The following GBP4 variants were observed in gnomAD, a reference collection of about 807,000 sequenced individuals.
The protein encoded by GBP4 is guanylate-binding protein 4.
GBP4 carries 69 observed loss-of-function variants against 62.2 expected under a neutral mutation model. The ratio of observed to expected loss-of-function variants is 1.11; its 90% CI spans 0.91 to 1.36. The LOEUF is 1.36. GBP4 is among the 40% of genes most tolerant of loss of function. The probability of loss-of-function intolerance (pLI) is 0.00; values close to 1 mark genes in which losing one functional copy is unlikely to be tolerated. For missense variants in GBP4, 697 were observed against 759.3 expected (o/e 0.92, Z 0.96); for synonymous variants, 278 against 274.6 (o/e 1.01, Z -0.12).
chr1:89,188,223 C>A (rs939645977), intron 8 of GBP4, among the ~76,000 whole-genome samples: 2 of 152,132 alleles, frequency 1.3e-5, no homozygotes, highest in African/African-American at 4.8e-5. Flanking sequence ...TAATTGTACC[C>A]TATCCAGTCA....
At position 89,198,936 on chromosome 1, in the gene GBP4, C is replaced by T; in HGVS notation, c.-102G>A. 3.7e-6 allele frequency: 4 copies of T among 1,081,420 alleles called. No homozygotes were observed. Among genetic ancestry groups the T allele is most frequent in the Non-Finnish European group, 5.8e-6 (4 of 695,526 alleles). 67.0% of individuals were successfully genotyped at this position (1,081,420 alleles called of 1,614,324 possible). On this transcript the variant is annotated 5_prime_UTR_variant, in exon 1 of 11. Transcript: ENST00000355754. ...CATCCAAGTAAGAGTCTGTGAGAAC[C>T]GAAATTGAAAGGACATGCACTTTGT...
Position 89,182,018 on chromosome 1 carries a change from G to T in GBP4, c.*3236C>A, listed in dbSNP as rs572600110. On this transcript the variant is annotated 3_prime_UTR_variant, in exon 11 of 11. Coordinates refer to ENST00000355754, the MANE Select transcript of GBP4 (RefSeq NM_052941.5). Reference sequence around the variant, plus strand: ...AAATAAGAGATGTCACAAACAAATGGAAAAACATTCCATGCTCATGAATAG... The same window carrying T: ...AAATAAGAGATGTCACAAACAAATGTAAAAACATTCCATGCTCATGAATAG... The T allele has an allele frequency of 2.6e-5, 4 of 152,238 alleles. No homozygotes were observed. Among genetic ancestry groups the T allele is most frequent in the African/African-American group, 7.2e-5 (3 of 41,530 alleles). The allele number at this position is 152,238 out of a possible 1,614,324, so 9.4% of individuals were successfully genotyped here.
Position 89,192,909 on chromosome 1 carries a change from A to T in GBP4, c.665T>A (p.Ile222Asn). The change falls in exon 5 of 11, where the codon ATT (isoleucine) becomes AAT (asparagine). Residue 222 changes from isoleucine (I) to asparagine (N), a missense_variant. Physicochemically the swap from Ile to Asn is moderately radical, Grantham distance 149. Coordinates refer to ENST00000355754, the MANE Select transcript of GBP4 (RefSeq NM_052941.5). ...DEYLENALKL[I>N]PGKNPKIQNS... ...TCCAGGCCATGCTCTGATACCTGGAATCAGCTTCAAGGCATTCTCCAGGTA... is the reference window on the plus strand; with the variant it reads ...TCCAGGCCATGCTCTGATACCTGGATTCAGCTTCAAGGCATTCTCCAGGTA... 6.2e-7 allele frequency: 1 copy of T among 1,613,604 alleles called. No individual in the cohort carries two copies.
In GBP4 at chr1:89,185,224, T is replaced by C; in HGVS notation, c.*30A>G. ...TATTAAAATAAAATAAACCTCATTT[T>C]ATATTTTCTTACCTGGAATATTCAG... On this transcript the variant is annotated 3_prime_UTR_variant, in exon 11 of 11. Coordinates refer to ENST00000355754, the MANE Select transcript of GBP4 (RefSeq NM_052941.5). 7.6e-7 allele frequency: 1 copy of C among 1,316,224 alleles called. No individual in the cohort carries two copies. The highest frequency in any genetic ancestry group is 1.1e-6 in the Non-Finnish European group (1 of 915,242). The allele number at this position is 1,316,224 out of a possible 1,614,324, so 81.5% of individuals were successfully genotyped here. A position where few individuals can be genotyped will look rare whatever the true frequency, so the allele number is the denominator to read the frequency against.
At position 89,191,291 on chromosome 1, in the gene GBP4, G is replaced by C; in HGVS notation, c.886C>G (p.Leu296Val). 6.2e-7 allele frequency: 1 copy of C among 1,613,808 alleles called. No homozygotes were observed. The highest frequency in any genetic ancestry group is 8.5e-7 in the Non-Finnish European group (1 of 1,179,706). Residue 296 changes from leucine (L) to valine (V), a missense_variant, in exon 6 of 11, where the codon CTG becomes GTG. Around this residue, in one of 2 missense-constraint regions of GBP4, gnomAD observed 556 missense variants for 562.7 expected, o/e 0.99. Coordinates refer to ENST00000355754, the MANE Select transcript of GBP4 (RefSeq NM_052941.5). ...YIFTHAKTKT[L>V]REGIIVTGKR... ...CCAGTGACAATGATTCCCTCTCTCA[G>C]GGTCTTGGTCTTTGCATGGGTGAAG... is the stretch of plus-strand genomic sequence containing the variant.
In GBP4 at chr1:89,184,045, G is replaced by C. The variant is rs1647963082; in HGVS notation, c.*1209C>G. 1 of 152,110 alleles carries C rather than the reference G, an allele frequency of 6.6e-6. No individual in the cohort carries two copies. Among genetic ancestry groups the C allele is most frequent in the African/African-American group, 2.4e-5 (1 of 41,422 alleles). 9.4% of individuals were successfully genotyped at this position (152,110 alleles called of 1,614,324 possible). A position where few individuals can be genotyped will look rare whatever the true frequency, so the allele number is the denominator to read the frequency against. On this transcript the variant is annotated 3_prime_UTR_variant, in exon 11 of 11. Coordinates refer to ENST00000355754, the MANE Select transcript of GBP4 (RefSeq NM_052941.5). Reference sequence around the variant, plus strand: ...GAAAAACAAGCAACCCCATTAAAAAGAAAGTGGGCAAAGAACATGAACACA... The same window carrying C: ...GAAAAACAAGCAACCCCATTAAAAACAAAGTGGGCAAAGAACATGAACACA...
intron 8 of GBP4, among the ~76,000 whole-genome samples, chr1:89,188,165 TC>T (rs1648086315): frequency 9.5e-5 from 1 of 10,544 alleles, no homozygotes; most frequent in Non-Finnish European, 1.7e-4. Context: ...ATCATCAAGA[TC>T]ATCATCATCA....
intron 5 of GBP4, among the ~76,000 whole-genome samples, 170 bp from the exon 6 acceptor site, chr1:89,191,676 C>T (rs1306484072): frequency 6.6e-6 from 1 of 152,256 alleles, no homozygotes; most frequent in East Asian, 1.9e-4. Context: ...ATGGAAAATC[C>T]ATTTTTGTAC....
rs1648012386 is a variant in GBP4, at chr1:89,185,477, AG to A, written c.1708-9del. On this transcript the variant is annotated splice_polypyrimidine_tract_variant and intron_variant, in intron 10 of 10. Transcript: ENST00000355754. ...AAGCATTTCTTCTTGTACCTATAAA[AG>A]GGAAATAGTCCACTTTTGAAAATCT... 2 of 1,403,240 alleles carry A rather than the reference AG, an allele frequency of 1.4e-6. No individual in the cohort carries two copies. Among genetic ancestry groups the A allele is most frequent in the African/African-American group, 1.4e-5 (1 of 70,462 alleles). 86.9% of individuals were successfully genotyped at this position (1,403,240 alleles called of 1,614,324 possible).
chr1:89,186,496 T>C lies in GBP4; in HGVS notation c.1544A>G (p.Lys515Arg). Residue 515 changes from lysine to arginine, a missense_variant, in exon 10 of 11, where the codon AAG becomes AGG. Physicochemically the swap from Lys to Arg is conservative, Grantham distance 26 (BLOSUM62 2). This residue lies in a region of GBP4 where 141 missense variants were observed against 196.6 expected (regional missense o/e 0.72). Transcript: ENST00000355754. ...AERAMKEAAE[K>R]EQELLREKQK... is the part of the protein sequence containing the mutation. ...TTTTTCTCTTAGCAGCTCCTGTTCC[T>C]TCTCAGCTGCTTCCTTCATGGCCCG... 4 of 1,614,164 alleles carry C rather than the reference T, an allele frequency of 2.5e-6. No homozygotes were observed. Among genetic ancestry groups the C allele is most frequent in the African/African-American group, 2.7e-5 (2 of 75,036 alleles).
intron 4 of GBP4, 95 bp from the exon 5 acceptor site, chr1:89,193,195 T>A: frequency 6.5e-7 from 1 of 1,529,372 alleles, no homozygotes; most frequent in Non-Finnish European, 9.0e-7. Flanking sequence ...TTGCACTCTG[T>A]CTTTTCTTAC....
At position 89,190,181 on chromosome 1, in the gene GBP4, G is replaced by T. The variant is rs1238545147; in HGVS notation, c.1054C>A (p.Gln352Lys). The T allele has an allele frequency of 6.2e-7, 1 of 1,614,170 alleles. No individual in the cohort carries two copies. Among genetic ancestry groups the T allele is most frequent in the Admixed American group, 1.7e-5 (1 of 60,028 alleles). The change falls in exon 7 of 11, where the codon CAG becomes AAG. Residue 352 changes from glutamine to lysine, a missense_variant. By Grantham distance (53) the Gln-to-Lys change is moderately conservative (BLOSUM62 1). Coordinates refer to ENST00000355754, the MANE Select transcript of GBP4 (RefSeq NM_052941.5). ...VQRAADHYSQQMAQQLRLPTD... is the reference protein window; with the variant it reads ...VQRAADHYSQKMAQQLRLPTD... ...GGGAGCCTCAGTTGCTGGGCCATCTGCTGGCTATAGTGGTCGGCTGCCCTC... is the reference window on the plus strand; with the variant it reads ...GGGAGCCTCAGTTGCTGGGCCATCTTCTGGCTATAGTGGTCGGCTGCCCTC...
In GBP4 at chr1:89,197,111, A is replaced by T. The variant is rs751118986; in HGVS notation, c.234T>A (p.Asn78Lys). The change falls in exon 2 of 11, where the codon AAT (asparagine) becomes AAA (lysine). Residue 78 changes from asparagine to lysine, a missense_variant and splice_region_variant. Around this residue, in one of 2 missense-constraint regions of GBP4, gnomAD observed 556 missense variants for 562.7 expected, o/e 0.99. Transcript: ENST00000355754. Reference protein sequence around the residue: ...YLMNRLAGKRNGFPLGSTVQS... With the variant: ...YLMNRLAGKRKGFPLGSTVQS... The stretch of plus-strand genomic sequence containing the variant: ...CTCCTGTCCTAGGACCACACTCACC[A>T]TTGCGCTTTCCTGCAAGACGATTCA... 6.2e-7 allele frequency: 1 copy of T among 1,610,868 alleles called. No homozygotes were observed. The highest frequency in any genetic ancestry group is 2.2e-5 in the East Asian group (1 of 44,846).
Position 89,191,340 on chromosome 1 carries a change from T to C in GBP4, c.837A>G (p.Gln279=), listed in dbSNP as rs769820508. 4.3e-6 allele frequency: 7 copies of C among 1,614,234 alleles called. No individual in the cohort carries two copies. Among genetic ancestry groups the C allele is most frequent in the East Asian group, 4.5e-5 (2 of 44,892 alleles). ...EENLERHFLM[Q]SDNFCSYIFT... is the part of the protein sequence containing the mutation. ...AGATATAAGAACAGAAGTTGTCTGA[T>C]TGCATAAGGAAATGCCTTTCCAGAT... is the stretch of plus-strand genomic sequence containing the variant. The change falls in exon 6 of 11, where the codon CAA becomes CAG. Residue 279 remains glutamine (Q), a synonymous_variant. Coordinates refer to ENST00000355754, the MANE Select transcript of GBP4 (RefSeq NM_052941.5).
chr1:89,191,846 T>A (rs908073301), intron 5 of GBP4, among the ~76,000 whole-genome samples: 5 of 152,216 alleles, frequency 3.3e-5, no homozygotes, highest in Non-Finnish European at 5.9e-5. Flanking sequence ...TTGTCAGAAA[T>A]ACTTTCTGAT....
At position 89,185,473 on chromosome 1, in the gene GBP4, TAAA is replaced by T; in HGVS notation, c.1708-7_1708-5del. The T allele has an allele frequency of 6.9e-7, 1 of 1,457,834 alleles. No individual in the cohort carries two copies. Among genetic ancestry groups the T allele is most frequent in the Non-Finnish European group, 9.6e-7 (1 of 1,045,042 alleles). The allele number at this position is 1,457,834 out of a possible 1,614,324, so 90.3% of individuals were successfully genotyped here. On this transcript the variant is annotated splice_region_variant and splice_polypyrimidine_tract_variant and intron_variant, in intron 10 of 10. Transcript: ENST00000355754. ...CCTTAAGCATTTCTTCTTGTACCTA[TAAA>T]AGGGAAATAGTCCACTTTTGAAAAT...
At position 89,183,691 on chromosome 1, in the gene GBP4, C is replaced by T. The variant is rs991460534; in HGVS notation, c.*1563G>A. 6.6e-6 allele frequency: 1 copy of T among 152,158 alleles called. No individual in the cohort carries two copies. The highest frequency in any genetic ancestry group is 2.4e-5 in the African/African-American group (1 of 41,440). 9.4% of individuals were successfully genotyped at this position (152,158 alleles called of 1,614,324 possible). On this transcript the variant is annotated 3_prime_UTR_variant, in exon 11 of 11. Transcript: ENST00000355754. ...CTCAGTAGTTCAAGACCAGCTTGGG[C>T]AACATGGAAAAACACATCTCTACAA...
chr1:89,198,213 C>A (rs1648399383), intron 1 of GBP4, among the ~76,000 whole-genome samples: 1 of 151,942 alleles, frequency 6.6e-6, no homozygotes, highest in African/African-American at 2.4e-5. Flanking sequence ...GTTAACCGGG[C>A]GAATTCCTGG....
rs990317257 is a variant in GBP4, at chr1:89,183,246, G to T, written c.*2008C>A. ...TAACAGAGAGTCCAGAAATAATGCT[G>T]TACACCTACAATCATCTGATCTTGG... is the stretch of plus-strand genomic sequence containing the variant. On this transcript the variant is annotated 3_prime_UTR_variant, in exon 11 of 11. Transcript: ENST00000355754. 6.6e-6 allele frequency: 1 copy of T among 152,016 alleles called. No individual in the cohort carries two copies. Among genetic ancestry groups the T allele is most frequent in the Admixed American group, 6.6e-5 (1 of 15,262 alleles). The allele number at this position is 152,016 out of a possible 1,614,324, so 9.4% of individuals were successfully genotyped here.
Sources: allele counts gnomAD v4.1 joint callset (sites outside exome capture counted in the v4.1 genomes callset), GRCh38; gene constraint gnomAD v4.1.1; regional missense constraint gnomAD v4.1.1; transcripts MANE v1.5; gene names NCBI Gene and HGNC (gene_info 2026-07-23, HGNC 2026-07-21).